Variants in RBFOX1 observed in about 807,000 individuals in gnomAD.
The protein encoded by RBFOX1 is RNA binding fox-1 homolog 1, also known as RNA binding protein fox-1 homolog 1.
RBFOX1 carries 8 observed loss-of-function variants against 57.7 expected under a neutral mutation model. The ratio of observed to expected loss-of-function variants is 0.14; its 90% CI spans 0.08 to 0.25. The LOEUF (loss-of-function observed/expected upper bound fraction) is 0.25, where lower values mean the gene tolerates loss of function less well. Among genes scored for constraint, RBFOX1 ranks in the 10% least tolerant of loss-of-function variants. The probability of loss-of-function intolerance (pLI) is 1.00; values close to 1 mark genes in which losing one functional copy is unlikely to be tolerated. For missense variants in RBFOX1, 611 were observed against 548.5 expected (o/e 1.11, Z -1.14); for synonymous variants, 326 against 222.4 (o/e 1.47, Z -4.15).
chr16:5,287,759 C>A (rs572253906), intron 1 of RBFOX1, among the ~76,000 whole-genome samples: 1 of 152,224 alleles, frequency 6.6e-6, no homozygotes, highest in African/African-American at 2.4e-5. Flanking sequence ...TTTGGTCATG[C>A]AGATTAATAT....
chr16:6,127,998 A>T (rs1488784311), intron 1 of RBFOX1, among the ~76,000 whole-genome samples: 3 of 152,188 alleles, frequency 2.0e-5, no homozygotes, highest in Non-Finnish European at 4.4e-5. Context: ...CTCAAATTTT[A>T]ATGTGCTTAA....
chr16:7,471,652 A>T (rs180930636), intron 4 of RBFOX1, among the ~76,000 whole-genome samples: 1 of 152,350 alleles, frequency 6.6e-6, no homozygotes, highest in Non-Finnish European at 1.5e-5. Context: ...ACATTAGATC[A>T]AAAAATGGGG....
intron 3 of RBFOX1, among the ~76,000 whole-genome samples, chr16:6,808,223 C>T (rs9929719): frequency 0.055 from 8,318 of 150,258 alleles, 585 homozygotes; most frequent in African/African-American, 0.17. Flanking sequence ...TATGCACTAG[C>T]TTCCAGCATG....
chr16:7,685,337 A>G (rs1393495213), intron 14 of RBFOX1, among the ~76,000 whole-genome samples: 1 of 152,150 alleles, frequency 6.6e-6, no homozygotes, highest in East Asian at 1.9e-4. Flanking sequence ...AACTATCAAC[A>G]GCTGAGTGAC....
chr16:5,636,888 G>A (rs1596536705), intron 3 of RBFOX1, among the ~76,000 whole-genome samples: 1 of 152,152 alleles, frequency 6.6e-6, no homozygotes, highest in Admixed American at 6.5e-5. Flanking sequence ...TTGCAAATCA[G>A]AGCTGAGCTC....
chr16:6,898,606 G>A (rs7186626), intron 3 of RBFOX1, among the ~76,000 whole-genome samples: 20,371 of 152,040 alleles, frequency 0.13, 3,820 homozygotes, highest in African/African-American at 0.42. Flanking sequence ...TAACATAAAA[G>A]GAAGTAGGTT....
chr16:5,809,450 C>G (rs1158373002), intron 3 of RBFOX1, among the ~76,000 whole-genome samples: 1 of 124,332 alleles, frequency 8.0e-6, no homozygotes, highest in East Asian at 2.5e-4. Context: ...TATCCAGAAT[C>G]TAAAATGAAC....
At chr16:6,104,272 C>T (rs986207191) in intron 1 of RBFOX1, among the ~76,000 whole-genome samples, 5 of 152,096 alleles carry the variant, frequency 3.3e-5, no homozygotes, top group Non-Finnish European at 7.3e-5. Flanking sequence ...AAATACGCTT[C>T]TTAAGTATAA....
rs925963430 is a variant in RBFOX1, at chr16:5,558,084, G to A, written c.259-40818G>A. On this transcript the variant is annotated intron_variant, in intron 2 of 2. Coordinates refer to the RBFOX1 transcript ENST00000585867. ...CTTCCAGCTCCCCATCCATCTTTCT[G>A]AGAGCCACTCCCATCACTCAATAAT... Among the ~76,000 whole-genome samples the A allele has an allele frequency of 2.1e-4, 32 of 152,112 alleles. 1 individual carries two copies. The highest frequency in any genetic ancestry group is 1.5e-5 in the Non-Finnish European group (1 of 68,022).
intron 5 of RBFOX1, among the ~76,000 whole-genome samples, chr16:7,535,673 C>T (rs1046096926): frequency 6.6e-6 from 1 of 152,164 alleles, no homozygotes; most frequent in South Asian, 2.1e-4. Flanking sequence ...TGAAAATCCA[C>T]CCTTAGTTTG....
intron 4 of RBFOX1, among the ~76,000 whole-genome samples, chr16:5,942,031 G>C (rs1023494516): frequency 6.6e-6 from 1 of 151,862 alleles, no homozygotes; most frequent in African/African-American, 2.4e-5. Flanking sequence ...CATTAGTAAG[G>C]CTTCCTCCCC....
chr16:5,357,912 T>C (rs117639968), intron 1 of RBFOX1, among the ~76,000 whole-genome samples: 2,591 of 152,350 alleles, frequency 0.017, 38 homozygotes, highest in Middle Eastern at 0.078. Flanking sequence ...AAATGACGAT[T>C]AGGAATACTA....
chr16:5,673,781 C>T (rs901301173), intron 3 of RBFOX1, among the ~76,000 whole-genome samples: 4 of 152,244 alleles, frequency 2.6e-5, no homozygotes, highest in African/African-American at 9.7e-5. Context: ...CAGTGCATCA[C>T]TGTAATTCTT....
chr16:6,848,690 A>G (rs947038902), intron 3 of RBFOX1, among the ~76,000 whole-genome samples: 22 of 152,226 alleles, frequency 1.4e-4, no homozygotes, highest in African/African-American at 4.1e-4. Flanking sequence ...AGCTGGGCAG[A>G]TGGATGGAAT....
intron 3 of RBFOX1, among the ~76,000 whole-genome samples, chr16:6,947,129 CA>C (rs1452702125): frequency 6.6e-6 from 1 of 152,120 alleles, no homozygotes; most frequent in Non-Finnish European, 1.5e-5. Flanking sequence ...AAACTCTTAG[CA>C]CATAACCTGG....
chr16:6,996,903 A>T (rs1282271884), intron 3 of RBFOX1, among the ~76,000 whole-genome samples: 1 of 152,184 alleles, frequency 6.6e-6, no homozygotes, highest in Non-Finnish European at 1.5e-5. Context: ...AAGCTGATGG[A>T]ACTGAACTTT....
chr16:6,969,376 A>T (rs2085003050), intron 3 of RBFOX1, among the ~76,000 whole-genome samples: 1 of 151,950 alleles, frequency 6.6e-6, no homozygotes, highest in African/African-American at 2.4e-5. Context: ...TAACTTAAAA[A>T]TTTGGATATT....
intron 3 of RBFOX1, among the ~76,000 whole-genome samples, chr16:5,720,181 A>G (rs1325369216): frequency 6.6e-6 from 1 of 152,142 alleles, no homozygotes; most frequent in African/African-American, 2.4e-5. Flanking sequence ...AATGATATTG[A>G]ACATTGTGTG....
intron 3 of RBFOX1, among the ~76,000 whole-genome samples, chr16:5,825,376 C>G (rs989917595): frequency 6.6e-6 from 1 of 152,190 alleles, no homozygotes; most frequent in African/African-American, 2.4e-5. Flanking sequence ...CCTTCATGCT[C>G]ATTTCCTGTA....
Sources: allele counts gnomAD v4.1 joint callset (sites outside exome capture counted in the v4.1 genomes callset), GRCh38; gene constraint gnomAD v4.1.1; transcripts MANE v1.5; gene names NCBI Gene and HGNC (gene_info 2026-07-23, HGNC 2026-07-21).